The following LARP4 variants were observed in gnomAD, a reference collection of about 807,000 sequenced individuals.
LARP4 encodes la-related protein 4.
A neutral mutation model predicts 92.9 loss-of-function variants in LARP4; 29 were observed. That is an observed-to-expected ratio of 0.31 (90% confidence interval 0.23 to 0.43). The LOEUF (loss-of-function observed/expected upper bound fraction) is 0.43. Among genes scored for constraint, LARP4 ranks in the 20% least tolerant of loss-of-function variants. The pLI, the probability that LARP4 is intolerant of heterozygous loss-of-function variation, is 1.00. For synonymous variants in LARP4, 279 were observed against 284.1 expected, an observed-to-expected ratio of 0.98 and a Z score of 0.18; for missense variants, 732 against 860.0, an observed-to-expected ratio of 0.85 and a Z score of 1.86.
In LARP4 at chr12:50,431,495, G is replaced by A. The variant is rs543576902; in HGVS notation, c.398+925G>A. 7.3e-4 allele frequency among the ~76,000 whole-genome samples: 111 copies of A among 152,274 alleles called. No individual in the cohort carries two copies. In the South Asian group the frequency reaches 7.7e-3, roughly 11 times the overall value. Reference sequence around the variant, plus strand: ...TGGACAGATAATTTATATTGCCAATGTCTTCTCTTAAATAAGGAATCCTTT... The same window carrying A: ...TGGACAGATAATTTATATTGCCAATATCTTCTCTTAAATAAGGAATCCTTT... On this transcript the variant is annotated intron_variant, in intron 4 of 15. Transcript: ENST00000398473.
intron 1 of LARP4, among the ~76,000 whole-genome samples, chr12:50,418,948 T>C (rs1376406071): frequency 2.0e-5 from 3 of 152,176 alleles, no homozygotes; most frequent in Non-Finnish European, 2.9e-5. Context: ...CTTGAACTTG[T>C]AGTTTCAAGC....
chr12:50,475,407 C>T, intron 15 of LARP4, 119 bp from the exon 16 acceptor site: 2 of 772,432 alleles, frequency 2.6e-6, no homozygotes, highest in Non-Finnish European at 4.3e-6. Context: ...TATGAGAGTG[C>T]TTGTTGCCCT....
intron 5 of LARP4, among the ~76,000 whole-genome samples, chr12:50,436,930 TACAA>T (rs1195789076): frequency 2.0e-5 from 3 of 152,212 alleles, no homozygotes; most frequent in Non-Finnish European, 4.4e-5. Flanking sequence ...TACAGAGGAT[TACAA>T]ACATTTATGG....
intron 1 of LARP4, among the ~76,000 whole-genome samples, chr12:50,410,104 A>G (rs1945591225): frequency 1.3e-5 from 2 of 149,942 alleles, no homozygotes; most frequent in African/African-American, 4.9e-5. Context: ...AAAAAAAAAA[A>G]GAACTATTTT....
Position 50,476,469 on chromosome 12 carries a change from G to C in LARP4, c.*605G>C, listed in dbSNP as rs1449187155. ...GATTTGAAAACTGAATGTAATACTT[G>C]AGTAGATTTTTTTTTCTAGTTTGAA... On this transcript the variant is annotated 3_prime_UTR_variant, in exon 16 of 16. Coordinates refer to ENST00000398473, the MANE Select transcript of LARP4 (RefSeq NM_052879.5). 1 of 152,458 alleles carries C rather than the reference G, an allele frequency of 6.6e-6. No homozygotes were observed. The allele number at this position is 152,458 out of a possible 1,614,324, so 9.4% of individuals were successfully genotyped here.
intron 8 of LARP4, among the ~76,000 whole-genome samples, chr12:50,444,032 A>G (rs981134582): frequency 2.6e-5 from 4 of 152,306 alleles, no homozygotes; most frequent in East Asian, 1.9e-4. Context: ...TACATTTTCA[A>G]ACAATTTTAG....
At chr12:50,473,377 G>A (rs1315888694) in intron 13 of LARP4, 38 bp from the exon 14 acceptor site, 1 of 1,527,168 alleles carries the variant, frequency 6.5e-7, no homozygotes. Context: ...TTTGGAAAAA[G>A]GTCTAAGTGT....
At chr12:50,463,182 T>C (rs1273396341) in intron 12 of LARP4, among the ~76,000 whole-genome samples, 1 of 151,716 alleles carries the variant, frequency 6.6e-6, no homozygotes, top group East Asian at 2.0e-4. Flanking sequence ...GGCTCGTGCC[T>C]GTCATCTCAG....
chr12:50,447,205 G>A (rs1952350972), intron 8 of LARP4, among the ~76,000 whole-genome samples: 2 of 152,020 alleles, frequency 1.3e-5, no homozygotes, highest in Non-Finnish European at 2.9e-5. Context: ...TTGGATTTTC[G>A]GATTTGGGAT....
At chr12:50,445,463 T>C (rs1951864653) in intron 8 of LARP4, among the ~76,000 whole-genome samples, 1 of 152,146 alleles carries the variant, frequency 6.6e-6, no homozygotes, top group South Asian at 2.1e-4. Context: ...ACTTCTTGGC[T>C]CTGTATGTTG....
At chr12:50,422,031 G>A (rs1179422724) in intron 1 of LARP4, among the ~76,000 whole-genome samples, 1 of 150,860 alleles carries the variant, frequency 6.6e-6, no homozygotes, top group Non-Finnish European at 1.5e-5. Context: ...GTGCAGTGGC[G>A]TGATCACTGC....
At chr12:50,426,027 C>T (rs188211548) in intron 1 of LARP4, among the ~76,000 whole-genome samples, 21 of 152,216 alleles carry the variant, frequency 1.4e-4, no homozygotes, top group Non-Finnish European at 2.5e-4. Context: ...ATATTGCATC[C>T]GGTTCTGTAC....
At chr12:50,419,207 A>C (rs1039732297) in intron 1 of LARP4, among the ~76,000 whole-genome samples, 4 of 151,862 alleles carry the variant, frequency 2.6e-5, no homozygotes, top group African/African-American at 9.7e-5. Context: ...TAAAAAATAC[A>C]AAAAAAATCA....
At chr12:50,406,297 C>T (rs1030549939) in intron 1 of LARP4, among the ~76,000 whole-genome samples, 1 of 150,082 alleles carries the variant, frequency 6.7e-6, no homozygotes, top group African/African-American at 2.5e-5. Context: ...AAGTTAGACA[C>T]CCCCCACCCC....
At chr12:50,427,729 A>T (rs781433792) in intron 1 of LARP4, 33 bp from the exon 2 acceptor site, 1 of 1,403,734 alleles carries the variant, frequency 7.1e-7, no homozygotes, top group South Asian at 1.8e-5. Flanking sequence ...CTCTGATTTT[A>T]AAAATTTACA....
Position 50,477,499 on chromosome 12 carries a change from G to GTGA in LARP4, c.*1636_*1638dup, listed in dbSNP as rs1052134380. Reference sequence around the variant, plus strand: ...GTAAACATCTTAGTAATATATTAAAGTGAATGTAAATGGTGGTTAAAATTA... The same window carrying GTGA: ...GTAAACATCTTAGTAATATATTAAAGTGATGAATGTAAATGGTGGTTAAAATTA... On this transcript the variant is annotated 3_prime_UTR_variant, in exon 16 of 16. Transcript: ENST00000398473. 2.0e-5 allele frequency: 3 copies of GTGA among 152,510 alleles called. No individual in the cohort carries two copies. The highest frequency in any genetic ancestry group is 4.8e-5 in the African/African-American group (2 of 41,424). 9.4% of individuals were successfully genotyped at this position (152,510 alleles called of 1,614,324 possible).
At chr12:50,441,672 G>A in intron 8 of LARP4, 29 bp downstream of exon 8, 1 of 1,522,972 alleles carries the variant, frequency 6.6e-7, no homozygotes, top group Non-Finnish European at 9.0e-7. Flanking sequence ...TGTGAAACCA[G>A]AACAGGTTTT....
At position 50,417,921 on chromosome 12, in the gene LARP4, C is replaced by A. The variant is rs138270502; in HGVS notation, c.19-9841C>A. On this transcript the variant is annotated intron_variant, in intron 1 of 15. Transcript: ENST00000398473. The stretch of plus-strand genomic sequence containing the variant: ...TGTTACCCAGGCTGCAGTGTAATGG[C>A]GCGATCTTGGTTCACTGCAACCTCC... Among the ~76,000 whole-genome samples, 666 of 152,216 alleles carry A rather than the reference C, an allele frequency of 4.4e-3. 6 individuals carry two copies. The highest frequency in any genetic ancestry group is 0.015 in the African/African-American group (632 of 41,522).
chr12:50,409,782 G>T (rs1945505665), intron 1 of LARP4, among the ~76,000 whole-genome samples: 1 of 150,270 alleles, frequency 6.7e-6, no homozygotes, highest in African/African-American at 2.4e-5. Flanking sequence ...AAAAAGAAAA[G>T]AAAAAGAATT....
Sources: allele counts gnomAD v4.1 joint callset (sites outside exome capture counted in the v4.1 genomes callset), GRCh38; gene constraint gnomAD v4.1.1; transcripts MANE v1.5; gene names NCBI Gene and HGNC (gene_info 2026-07-23, HGNC 2026-07-21).